ZFYVE9: variants seen among roughly 807,000 people sequenced by gnomAD.
ZFYVE9 encodes zinc finger FYVE-type containing 9.
ZFYVE9 carries 43 observed loss-of-function variants against 126.7 expected under a neutral mutation model. The observed-to-expected ratio is 0.34, with a 90% CI of 0.27 to 0.44. The LOEUF is 0.44. Among genes scored for constraint, ZFYVE9 ranks in the 20% least tolerant of loss-of-function variants. The pLI, the probability that ZFYVE9 is intolerant of heterozygous loss-of-function variation, is 1.00. For missense variants in ZFYVE9, 1,476 were observed against 1,697.0 expected, an observed-to-expected ratio of 0.87 and a Z score of 2.29; for synonymous variants, 521 against 597.4, an observed-to-expected ratio of 0.87 and a Z score of 1.87.
At chr1:52,191,040 C>G (rs1267896289) in intron 1 of ZFYVE9, among the ~76,000 whole-genome samples, 1 of 152,168 alleles carries the variant, frequency 6.6e-6, no homozygotes, top group Non-Finnish European at 1.5e-5. Context: ...AAGTGATCTT[C>G]CTGCCTTAGC....
At chr1:52,247,040 G>C (rs924824776) in intron 4 of ZFYVE9, among the ~76,000 whole-genome samples, 1 of 152,176 alleles carries the variant, frequency 6.6e-6, no homozygotes, top group African/African-American at 2.4e-5. Context: ...TGTTGCCCAG[G>C]CTGGTCTCGA....
At position 52,265,470 on chromosome 1, in the gene ZFYVE9, T is replaced by C. The variant is rs192420852; in HGVS notation, c.2279-1185T>C. 3.4e-4 allele frequency among the ~76,000 whole-genome samples: 52 copies of C among 152,338 alleles called. 2 individuals carry two copies. In the East Asian group the frequency reaches 7.5e-3, roughly 22 times the overall value. On this transcript the variant is annotated intron_variant, in intron 5 of 18. Transcript: ENST00000287727. ...CTATTTCTGGGCATGTGGTATTACC[T>C]GAACCTAGAAGATAAAATTTGGTAT...
intron 1 of ZFYVE9, among the ~76,000 whole-genome samples, chr1:52,173,122 G>A (rs1185850284): frequency 6.6e-6 from 1 of 151,950 alleles, no homozygotes; most frequent in African/African-American, 2.4e-5. Context: ...CATTCAGTAT[G>A]ATATTGGCTG....
intron 7 of ZFYVE9, among the ~76,000 whole-genome samples, chr1:52,272,673 CTTTTT>C (rs58857376): frequency 0.014 from 1,676 of 121,260 alleles, 44 homozygotes; most frequent in African/African-American, 0.054. Flanking sequence ...TAGAAATAAT[CTTTTT>C]TTTTTTTTTT....
At chr1:52,257,671 A>G (rs573835839) in intron 4 of ZFYVE9, among the ~76,000 whole-genome samples, 48 of 152,324 alleles carry the variant, frequency 3.2e-4, no homozygotes, top group African/African-American at 1.1e-3. Context: ...TATGAATCAT[A>G]TAGTCCTTCC....
chr1:52,286,402 A>G lies in ZFYVE9; in HGVS notation c.3025+4586A>G, dbSNP rs995299569. On this transcript the variant is annotated intron_variant, in intron 10 of 18. Coordinates refer to ENST00000287727, the MANE Select transcript of ZFYVE9 (RefSeq NM_004799.4). ...TATTTAATAACCATATGTGTGTTGT[A>G]TATCTATATATGTGTGTGTATCTGT... is the stretch of plus-strand genomic sequence containing the variant. Among the ~76,000 whole-genome samples the G allele has an allele frequency of 5.9e-5, 9 of 152,192 alleles. No individual in the cohort carries two copies. In the East Asian group the frequency reaches 9.6e-4, roughly 16 times the overall value.
At chr1:52,274,627 A>C in intron 8 of ZFYVE9, 43 bp downstream of exon 8, 1 of 1,529,244 alleles carries the variant, frequency 6.5e-7, no homozygotes, top group South Asian at 1.3e-5. Context: ...TCTATCTGCC[A>C]AATGTTACCT....
intron 1 of ZFYVE9, among the ~76,000 whole-genome samples, chr1:52,161,044 T>C (rs1040269866): frequency 1.3e-5 from 2 of 152,160 alleles, no homozygotes; most frequent in African/African-American, 4.8e-5. Flanking sequence ...TTTATTTTAT[T>C]TTTTCAAATA....
intron 4 of ZFYVE9, among the ~76,000 whole-genome samples, chr1:52,255,964 T>TTTTCTTTTCTTTTC (rs1553129446): frequency 3.5e-3 from 240 of 68,468 alleles, no homozygotes; most frequent in Middle Eastern, 6.2e-3. Flanking sequence ...TTTTCTTTTC[T>TTTTCTTTTCTTTTC]TTTCTTTCTT....
intron 1 of ZFYVE9, among the ~76,000 whole-genome samples, chr1:52,155,712 A>G (rs1459861576): frequency 1.3e-5 from 2 of 152,188 alleles, no homozygotes; most frequent in Non-Finnish European, 1.5e-5. Context: ...CCCCTACTCA[A>G]TACTAGCAGC....
intron 1 of ZFYVE9, among the ~76,000 whole-genome samples, chr1:52,212,917 TAG>T (rs1212622619): frequency 6.6e-6 from 1 of 152,238 alleles, no homozygotes; most frequent in Non-Finnish European, 1.5e-5. Context: ...AGTGGAATAT[TAG>T]AGGAGTTCTG....
chr1:52,260,526 T>C (rs1030705623), intron 4 of ZFYVE9, among the ~76,000 whole-genome samples: 43 of 152,228 alleles, frequency 2.8e-4, no homozygotes, highest in Non-Finnish European at 5.4e-4. Context: ...ATTAAAATGC[T>C]TAAGTGGGGG....
chr1:52,298,264 T>C (rs1273325503), intron 12 of ZFYVE9, among the ~76,000 whole-genome samples: 2 of 152,220 alleles, frequency 1.3e-5, no homozygotes, highest in Non-Finnish European at 2.9e-5. Context: ...TTTCTTCTAA[T>C]AGTTTCATAG....
chr1:52,218,617 A>G (rs74953047), intron 2 of ZFYVE9, among the ~76,000 whole-genome samples: 2,441 of 152,334 alleles, frequency 0.016, 34 homozygotes, highest in Non-Finnish European at 0.025. Context: ...CTGTTGCACA[A>G]GCGTAACAAT....
At chr1:52,180,601 T>C in intron 1 of ZFYVE9, 1 of 558,916 alleles carries the variant, frequency 1.8e-6, no homozygotes, top group East Asian at 3.0e-5. Flanking sequence ...CTGGATTTTT[T>C]AAAAAAGGAT....
intron 4 of ZFYVE9, among the ~76,000 whole-genome samples, chr1:52,256,348 T>G (rs961465688): frequency 3.3e-5 from 5 of 151,962 alleles, no homozygotes; most frequent in Non-Finnish European, 7.4e-5. Flanking sequence ...ATTACAGGCA[T>G]GAGCCACCAT....
intron 10 of ZFYVE9, among the ~76,000 whole-genome samples, chr1:52,282,491 C>T (rs17107146): frequency 0.012 from 1,854 of 152,198 alleles, 32 homozygotes; most frequent in African/African-American, 0.043. Flanking sequence ...TACATAATAT[C>T]TGTATTTGAT....
chr1:52,181,499 C>T (rs1352329895), intron 1 of ZFYVE9, among the ~76,000 whole-genome samples: 2 of 152,118 alleles, frequency 1.3e-5, no homozygotes, highest in African/African-American at 2.4e-5. Flanking sequence ...TCTGCCCGGC[C>T]GCCACCCCGT....
intron 1 of ZFYVE9, among the ~76,000 whole-genome samples, chr1:52,169,488 C>T (rs1337838026): frequency 6.6e-6 from 1 of 152,136 alleles, no homozygotes; most frequent in Non-Finnish European, 1.5e-5. Flanking sequence ...ATATATTTTA[C>T]ATGTTTATCT....
Sources: allele counts gnomAD v4.1 joint callset (sites outside exome capture counted in the v4.1 genomes callset), GRCh38; gene constraint gnomAD v4.1.1; transcripts MANE v1.5; gene names NCBI Gene and HGNC (gene_info 2026-07-23, HGNC 2026-07-21).